The following CCDC91 variants were observed in gnomAD, a reference collection of about 807,000 sequenced individuals.
CCDC91 encodes the protein coiled-coil domain containing 91.
In CCDC91, 48 loss-of-function variants were observed where a neutral mutation model predicts 63.2. The observed-to-expected ratio is 0.76, with a 90% CI of 0.60 to 0.97. The LOEUF is 0.97. Among genes scored for constraint, CCDC91 ranks in the 50% least tolerant of loss-of-function variants. CCDC91 has a pLI of 0.00. For missense variants in CCDC91, 500 were observed against 494.6 expected, an observed-to-expected ratio of 1.01 and a Z score of -0.10; for synonymous variants, 167 against 165.8, an observed-to-expected ratio of 1.01 and a Z score of -0.06.
chr12:28,411,894 G>C (rs903007940), intron 8 of CCDC91, among the ~76,000 whole-genome samples: 6 of 152,106 alleles, frequency 3.9e-5, no homozygotes, highest in Non-Finnish European at 5.9e-5. Flanking sequence ...TCAGAAGAAG[G>C]CATCACACCA....
chr12:28,296,344 G>T (rs1207540169), intron 3 of CCDC91, among the ~76,000 whole-genome samples: 1 of 151,730 alleles, frequency 6.6e-6, no homozygotes, highest in Non-Finnish European at 1.5e-5. Context: ...AGTATACAGG[G>T]TTACCCAAAC....
At chr12:28,504,472 A>G (rs777736921) in intron 12 of CCDC91, among the ~76,000 whole-genome samples, 1 of 151,938 alleles carries the variant, frequency 6.6e-6, no homozygotes, top group African/African-American at 2.4e-5. Flanking sequence ...AGTAATTTCT[A>G]AGCTAAAATT....
intron 1 of CCDC91, among the ~76,000 whole-genome samples, chr12:28,246,933 A>C (rs1945780067): frequency 6.6e-6 from 1 of 152,220 alleles, no homozygotes; most frequent in Non-Finnish European, 1.5e-5. Context: ...TTTGTGAAGA[A>C]AAGGTGAATT....
intron 12 of CCDC91, among the ~76,000 whole-genome samples, chr12:28,493,463 G>C (rs570940000): frequency 9.9e-5 from 15 of 151,704 alleles, no homozygotes; most frequent in East Asian, 7.8e-4. Flanking sequence ...TAGAACTTTG[G>C]TCACATGTGT....
chr12:28,481,418 A>G (rs1033867329), intron 11 of CCDC91, among the ~76,000 whole-genome samples: 8 of 152,002 alleles, frequency 5.3e-5, no homozygotes, highest in African/African-American at 1.9e-4. Flanking sequence ...TCACCAAAAT[A>G]TTTTGGAAAA....
rs1246758215 is a variant in CCDC91, at chr12:28,450,038, T to C, written c.763-123T>C. On this transcript the variant is annotated intron_variant, in intron 8 of 12. Transcript: ENST00000536442. ...CTCCTGAACCTTCGTTTTAGGGAAA[T>C]TCTCATTTTTTCCTTTTGTAACTAC... is the stretch of plus-strand genomic sequence containing the variant. The C allele has an allele frequency of 1.4e-5, 8 of 562,958 alleles. No individual in the cohort carries two copies. The East Asian group carries it at 2.2e-4, about 16-fold the overall frequency. The allele number at this position is 562,958 out of a possible 1,614,324, so 34.9% of individuals were successfully genotyped here. A position where few individuals can be genotyped will look rare whatever the true frequency, so the allele number is the denominator to read the frequency against.
chr12:28,393,528 A>G (rs1429656605), intron 8 of CCDC91, among the ~76,000 whole-genome samples: 1 of 152,148 alleles, frequency 6.6e-6, no homozygotes, highest in African/African-American at 2.4e-5. Flanking sequence ...CTAGGGTGGA[A>G]GAAATCTTGT....
chr12:28,500,919 A>G (rs1260741220), intron 12 of CCDC91, among the ~76,000 whole-genome samples: 1 of 151,644 alleles, frequency 6.6e-6, no homozygotes, highest in East Asian at 1.9e-4. Flanking sequence ...TTTCATTTCA[A>G]ATGAAACAAG....
intron 1 of CCDC91, among the ~76,000 whole-genome samples, chr12:28,249,974 C>A (rs1458565561): frequency 1.3e-5 from 2 of 151,824 alleles, no homozygotes; most frequent in Non-Finnish European, 2.9e-5. Context: ...TATGACTGGC[C>A]CCTGAGAAGT....
At chr12:28,482,933 A>G (rs1233099894) in intron 11 of CCDC91, among the ~76,000 whole-genome samples, 1 of 152,038 alleles carries the variant, frequency 6.6e-6, no homozygotes, top group East Asian at 1.9e-4. Context: ...AAATCATATT[A>G]TAGAAGAATA....
At chr12:28,374,549 A>G (rs776701659) in intron 7 of CCDC91, among the ~76,000 whole-genome samples, 3 of 152,182 alleles carry the variant, frequency 2.0e-5, no homozygotes, top group Non-Finnish European at 4.4e-5. Context: ...AATCGGATAA[A>G]ACAATATCCT....
chr12:28,390,434 T>G (rs1945861339), intron 7 of CCDC91, among the ~76,000 whole-genome samples: 1 of 152,102 alleles, frequency 6.6e-6, no homozygotes, highest in Non-Finnish European at 1.5e-5. Context: ...TATAGAATGA[T>G]TTAGAGTTTA....
At chr12:28,346,078 C>T (rs184063815) in intron 6 of CCDC91, among the ~76,000 whole-genome samples, 4 of 151,412 alleles carry the variant, frequency 2.6e-5, no homozygotes, top group African/African-American at 4.9e-5. Context: ...CTTAATTAAC[C>T]GAGTTCTTGG....
At chr12:28,344,782 A>G (rs1395695023) in intron 6 of CCDC91, among the ~76,000 whole-genome samples, 1 of 152,054 alleles carries the variant, frequency 6.6e-6, no homozygotes, top group African/African-American at 2.4e-5. Context: ...TAGACCCATG[A>G]GCCTTCCACT....
intron 1 of CCDC91, among the ~76,000 whole-genome samples, chr12:28,204,277 T>C (rs1468795054): frequency 6.6e-6 from 1 of 152,190 alleles, no homozygotes; most frequent in Non-Finnish European, 1.5e-5. Flanking sequence ...AGTTTTTGTG[T>C]TTTATTTAAT....
At chr12:28,365,729 A>G (rs1231507408) in intron 7 of CCDC91, among the ~76,000 whole-genome samples, 9 of 152,210 alleles carry the variant, frequency 5.9e-5, no homozygotes, top group Non-Finnish European at 1.5e-5. Context: ...TTCCATGACT[A>G]CATATAATAT....
At chr12:28,331,557 G>A (rs1307844284) in intron 6 of CCDC91, among the ~76,000 whole-genome samples, 1 of 152,088 alleles carries the variant, frequency 6.6e-6, no homozygotes, top group Non-Finnish European at 1.5e-5. Flanking sequence ...GATATTATGG[G>A]ACAATAGTCA....
intron 6 of CCDC91, among the ~76,000 whole-genome samples, chr12:28,322,947 C>T (rs1409814787): frequency 6.6e-6 from 1 of 151,316 alleles, no homozygotes; most frequent in Non-Finnish European, 1.5e-5. Flanking sequence ...AGATTTTTTT[C>T]ATATGGCTGT....
chr12:28,382,823 A>C (rs934903717), intron 7 of CCDC91, among the ~76,000 whole-genome samples: 1 of 152,076 alleles, frequency 6.6e-6, no homozygotes, highest in Non-Finnish European at 1.5e-5. Flanking sequence ...GCTCTACTTA[A>C]TTGTATGAAT....
Sources: gnomAD v4.1 joint callset for allele counts (sites outside exome capture counted in the v4.1 genomes callset) on GRCh38, gnomAD v4.1.1 for gene constraint, MANE v1.5 for transcripts, NCBI Gene and HGNC (gene_info 2026-07-23, HGNC 2026-07-21) for gene names.